Variants in BCL2 observed in about 807,000 individuals in gnomAD.
BCL2 encodes the protein BCL2 apoptosis regulator.
A neutral mutation model predicts 14.2 loss-of-function variants in BCL2; 1 was observed. The ratio of observed to expected loss-of-function variants is 0.07; its 90% CI spans 0.02 to 0.33. BCL2 has a LOEUF of 0.33. Among genes scored for constraint, BCL2 ranks in the 10% least tolerant of loss-of-function variants. BCL2 has a pLI of 0.99. For missense variants in BCL2, 247 were observed against 305.9 expected, an observed-to-expected ratio of 0.81 and a Z score of 1.44; for synonymous variants, 151 against 137.2, an observed-to-expected ratio of 1.10 and a Z score of -0.70.
chr18:63,269,924 T>C (rs1911955208), intron 2 of BCL2, among the ~76,000 whole-genome samples: 2 of 152,288 alleles, frequency 1.3e-5, no homozygotes, highest in Admixed American at 6.5e-5. Context: ...TCCTAGTGTT[T>C]TGAGGGGGTA....
At chr18:63,253,349 C>T (rs1410567055) in intron 2 of BCL2, among the ~76,000 whole-genome samples, 1 of 152,230 alleles carries the variant, frequency 6.6e-6, no homozygotes, top group East Asian at 1.9e-4. Context: ...GCTGTACTTA[C>T]TCTGCTGACA....
At chr18:63,221,689 C>T (rs561887550) in intron 2 of BCL2, among the ~76,000 whole-genome samples, 71 of 152,266 alleles carry the variant, frequency 4.7e-4, no homozygotes, top group African/African-American at 1.6e-3. Flanking sequence ...AAAAAGTCAC[C>T]CTAACCATGA....
At chr18:63,188,288 C>T (rs947412158) in intron 2 of BCL2, among the ~76,000 whole-genome samples, 2 of 152,204 alleles carry the variant, frequency 1.3e-5, no homozygotes, top group African/African-American at 4.8e-5. Flanking sequence ...AGTGCTAGCT[C>T]TGAAACTTAC....
At chr18:63,236,604 T>C (rs1444387957) in intron 2 of BCL2, among the ~76,000 whole-genome samples, 1 of 152,174 alleles carries the variant, frequency 6.6e-6, no homozygotes, top group African/African-American at 2.4e-5. Flanking sequence ...CAGAACTCGA[T>C]AAAAAGGGAA....
At chr18:63,219,231 C>A (rs1178387843) in intron 2 of BCL2, among the ~76,000 whole-genome samples, 1 of 152,122 alleles carries the variant, frequency 6.6e-6, no homozygotes, top group African/African-American at 2.4e-5. Flanking sequence ...TGTGGAACAG[C>A]CTTCTCTCAC....
intron 2 of BCL2, among the ~76,000 whole-genome samples, chr18:63,287,380 T>C (rs1235636821): frequency 6.6e-6 from 1 of 152,148 alleles, no homozygotes; most frequent in East Asian, 1.9e-4. Flanking sequence ...ACGAAGAGGA[T>C]GGATGGGCTG....
At chr18:63,278,687 G>C (rs748067191) in intron 2 of BCL2, among the ~76,000 whole-genome samples, 14 of 152,114 alleles carry the variant, frequency 9.2e-5, no homozygotes, top group Non-Finnish European at 1.5e-4. Flanking sequence ...GCAAGACCTC[G>C]TTGCAGCAGT....
chr18:63,207,420 T>C (rs565351695), intron 2 of BCL2, among the ~76,000 whole-genome samples: 1 of 152,368 alleles, frequency 6.6e-6, no homozygotes, highest in Middle Eastern at 3.4e-3. Context: ...CGACAGAGCC[T>C]TGTAAGTCTA....
intron 2 of BCL2, among the ~76,000 whole-genome samples, chr18:63,302,083 G>A (rs967104799): frequency 1.3e-5 from 2 of 151,996 alleles, no homozygotes; most frequent in African/African-American, 4.8e-5. Flanking sequence ...CAGCACTTTG[G>A]GAGGGAGGCC....
intron 2 of BCL2, among the ~76,000 whole-genome samples, chr18:63,205,781 C>T (rs893794715): frequency 6.6e-6 from 1 of 152,152 alleles, no homozygotes; most frequent in Non-Finnish European, 1.5e-5. Flanking sequence ...CGCTCCCACC[C>T]CCTGCTTGCA....
chr18:63,318,630 C>T lies in BCL2; in HGVS notation c.37G>A (p.Glu13Lys). The stretch of plus-strand genomic sequence containing the variant: ...TAATGGATGTACTTCATCACTATCT[C>T]CCGGTTATCGTACCCTGTTCTCCCA... ...HAGRTGYDNREIVMKYIHYKL... is the reference protein window; with the variant it reads ...HAGRTGYDNRKIVMKYIHYKL... The change falls in exon 2 of 3, where the codon GAG (glutamate) becomes AAG (lysine). Residue 13 changes from glutamate (E) to lysine (K), a missense_variant. By Grantham distance (56) the Glu-to-Lys change is moderately conservative (BLOSUM62 1). Transcript: ENST00000333681. This position sits in a 1 kb window ranked among gnomAD's most constrained non-coding sequence, Gnocchi z 7.4. The T allele has an allele frequency of 6.2e-7, 1 of 1,613,390 alleles. No individual in the cohort carries two copies. The highest frequency in any genetic ancestry group is 8.5e-7 in the Non-Finnish European group (1 of 1,179,712).
At chr18:63,309,926 G>T (rs1485717974) in intron 2 of BCL2, among the ~76,000 whole-genome samples, 5 of 151,870 alleles carry the variant, frequency 3.3e-5, no homozygotes, top group Non-Finnish European at 5.9e-5. Flanking sequence ...GCAGTGACAC[G>T]ATCTCGGCTC....
intron 2 of BCL2, among the ~76,000 whole-genome samples, chr18:63,301,213 C>T (rs1433022270): frequency 6.6e-6 from 1 of 152,170 alleles, no homozygotes; most frequent in South Asian, 2.1e-4. Flanking sequence ...CTACCTAGGA[C>T]TGGGGAGAAA....
At chr18:63,144,786 G>A (rs1914465271) in intron 2 of BCL2, among the ~76,000 whole-genome samples, 1 of 152,182 alleles carries the variant, frequency 6.6e-6, no homozygotes, top group East Asian at 1.9e-4. Flanking sequence ...GCCGTCAGGG[G>A]TGAGTCAGAG....
At chr18:63,133,738 C>T (rs936232854) in intron 2 of BCL2, among the ~76,000 whole-genome samples, 1 of 152,096 alleles carries the variant, frequency 6.6e-6, no homozygotes, top group Admixed American at 6.5e-5. Context: ...AACCCTTATG[C>T]CCAGGTAAAG....
chr18:63,210,026 G>C (rs1909956906), intron 2 of BCL2, among the ~76,000 whole-genome samples: 1 of 152,218 alleles, frequency 6.6e-6, no homozygotes, highest in Non-Finnish European at 1.5e-5. Flanking sequence ...CCCTGGTGTG[G>C]TGGAGGGTGG....
intron 2 of BCL2, among the ~76,000 whole-genome samples, chr18:63,263,498 A>G (rs1911722028): frequency 6.6e-6 from 1 of 152,214 alleles, no homozygotes; most frequent in African/African-American, 2.4e-5. Flanking sequence ...TTGAATGGCC[A>G]CCACATTGGA....
At chr18:63,251,486 T>C (rs937428420) in intron 2 of BCL2, among the ~76,000 whole-genome samples, 1 of 150,954 alleles carries the variant, frequency 6.6e-6, no homozygotes, top group African/African-American at 2.4e-5. Flanking sequence ...TACTAAAAAA[T>C]ACAAAAAAAT....
At position 63,149,477 on chromosome 18, in the gene BCL2, C is replaced by T. The variant is rs1914593598; in HGVS notation, c.586-20718G>A. Among the ~76,000 whole-genome samples, 1 of 152,206 alleles carries T rather than the reference C, an allele frequency of 6.6e-6. No individual in the cohort carries two copies. The highest frequency in any genetic ancestry group is 1.5e-5 in the Non-Finnish European group (1 of 68,044). On this transcript the variant is annotated intron_variant, in intron 2 of 2. Coordinates refer to ENST00000333681, the MANE Select transcript of BCL2 (RefSeq NM_000633.3). This position sits in a 1 kb window ranked among gnomAD's most constrained non-coding sequence, Gnocchi z 4.2. Reference sequence around the variant, plus strand: ...TATATGTATAAGTTGCAACTGTTGGCTGGTGCCAGACGACTTTCGCTTGTT... The same window carrying T: ...TATATGTATAAGTTGCAACTGTTGGTTGGTGCCAGACGACTTTCGCTTGTT...
Sources: allele counts gnomAD v4.1 joint callset (sites outside exome capture counted in the v4.1 genomes callset), GRCh38; gene constraint gnomAD v4.1.1; non-coding constraint Gnocchi (gnomAD v3.1); transcripts MANE v1.5; gene names NCBI Gene and HGNC (gene_info 2026-07-23, HGNC 2026-07-21).